The following CDC27 variants were observed in gnomAD, a reference collection of about 807,000 sequenced individuals.
CDC27 encodes the protein cell division cycle 27.
In CDC27, 27 loss-of-function variants were observed where a neutral mutation model predicts 109.7. The ratio of observed to expected loss-of-function variants is 0.25; its 90% CI spans 0.18 to 0.34. The LOEUF (loss-of-function observed/expected upper bound fraction) is 0.34, where lower values mean the gene tolerates loss of function less well. Ranked by LOEUF, CDC27 falls within the 10% of genes least tolerant of loss-of-function variation. The pLI, the probability that CDC27 is intolerant of heterozygous loss-of-function variation, is 1.00. For synonymous variants in CDC27, 266 were observed against 333.9 expected, an observed-to-expected ratio of 0.80 and a Z score of 2.22; for missense variants, 579 against 960.2, an observed-to-expected ratio of 0.60 and a Z score of 5.25.
rs1417684594 is a variant in CDC27, at chr17:47,149,970, C to CA, written c.1070+1835dup. On this transcript the variant is annotated intron_variant, in intron 9 of 18. Coordinates refer to ENST00000066544, the MANE Select transcript of CDC27 (RefSeq NM_001256.6). The stretch of plus-strand genomic sequence containing the variant: ...ACTCCGTCTAAAACAAAAACAAAAA[C>CA]AAAAACAAAACTCTATAAAAAGACA... Among the ~76,000 whole-genome samples, 41 of 149,772 alleles carry CA rather than the reference C, an allele frequency of 2.7e-4. 1 individual carries two copies. Among genetic ancestry groups the CA allele is most frequent in the Middle Eastern group, 6.9e-3 (2 of 290 alleles).
At chr17:47,179,115 G>A (rs1050911896) in intron 2 of CDC27, among the ~76,000 whole-genome samples, 1 of 152,096 alleles carries the variant, frequency 6.6e-6, no homozygotes, top group Non-Finnish European at 1.5e-5. Flanking sequence ...CACAGTCTCA[G>A]GCCGACTATA....
chr17:47,124,530 C>T (rs1345671214), intron 16 of CDC27, among the ~76,000 whole-genome samples: 1 of 152,028 alleles, frequency 6.6e-6, no homozygotes, highest in Non-Finnish European at 1.5e-5. Context: ...GTAATCTGCC[C>T]GCCTCAGCCT....
intron 2 of CDC27, among the ~76,000 whole-genome samples, chr17:47,175,436 G>T (rs2063970419): frequency 1.3e-5 from 2 of 152,098 alleles, no homozygotes; most frequent in Admixed American, 1.3e-4. Context: ...GTACTCTGTG[G>T]CTACCCTGTC....
At chr17:47,126,310 A>G (rs1008775713) in intron 16 of CDC27, among the ~76,000 whole-genome samples, 21 of 152,176 alleles carry the variant, frequency 1.4e-4, no homozygotes, top group African/African-American at 4.8e-4. Flanking sequence ...TCACATTTCT[A>G]TATCTAATCC....
At chr17:47,175,218 G>A (rs12947008) in intron 2 of CDC27, among the ~76,000 whole-genome samples, 12,535 of 152,172 alleles carry the variant, frequency 0.082, 595 homozygotes, top group African/African-American at 0.12. Flanking sequence ...GCATCCTCCA[G>A]ATACATTTAC....
intron 11 of CDC27, 37 bp downstream of exon 11, chr17:47,142,192 T>C: frequency 1.5e-6 from 2 of 1,298,708 alleles, no homozygotes; most frequent in South Asian, 1.4e-5. Context: ...AAGTACATAA[T>C]AAAATACAAA....
At chr17:47,159,676 G>T in intron 4 of CDC27, 1 of 440,420 alleles carries the variant, frequency 2.3e-6, no homozygotes, top group Non-Finnish European at 4.2e-6. Context: ...CGTGGCCATT[G>T]TAGTCCTCGA....
intron 8 of CDC27, among the ~76,000 whole-genome samples, chr17:47,153,646 G>C (rs1423254930): frequency 6.6e-6 from 1 of 152,098 alleles, no homozygotes; most frequent in Non-Finnish European, 1.5e-5. Context: ...TCCATTTCTT[G>C]AATATTTATG....
At chr17:47,139,735 A>G (rs1396131948) in intron 12 of CDC27, 1 of 152,084 alleles carries the variant, frequency 6.6e-6, no homozygotes, top group Admixed American at 6.5e-5. Context: ...GAATATACAC[A>G]CCAATATTGT....
chr17:47,173,960 G>C (rs2063898666), intron 2 of CDC27, among the ~76,000 whole-genome samples: 1 of 152,232 alleles, frequency 6.6e-6, no homozygotes, highest in African/African-American at 2.4e-5. Context: ...CAGGCGCGGT[G>C]GCGCAAGCCT....
chr17:47,166,551 T>C (rs140127638), intron 4 of CDC27, among the ~76,000 whole-genome samples: 32 of 152,266 alleles, frequency 2.1e-4, no homozygotes, highest in African/African-American at 7.5e-4. Context: ...GGACCAGCTT[T>C]GGTTTCTATG....
intron 14 of CDC27, among the ~76,000 whole-genome samples, 186 bp downstream of exon 14, chr17:47,136,961 GTTAAT>G (rs1238477824): frequency 6.6e-6 from 1 of 152,166 alleles, no homozygotes; most frequent in Non-Finnish European, 1.5e-5. Flanking sequence ...ATTATCATTA[GTTAAT>G]TTAAGAGTTT....
intron 4 of CDC27, among the ~76,000 whole-genome samples, chr17:47,158,971 C>T (rs1175611893): frequency 6.6e-6 from 1 of 152,036 alleles, no homozygotes; most frequent in Non-Finnish European, 1.5e-5. Context: ...AGGCAGGTCT[C>T]GAACTCATGA....
Position 47,157,304 on chromosome 17 carries a change from T to C in CDC27, c.556A>G (p.Thr186Ala). The C allele has an allele frequency of 5.6e-6, 9 of 1,613,102 alleles. No homozygotes were observed. The highest frequency in any genetic ancestry group is 7.6e-6 in the Non-Finnish European group (9 of 1,179,282). The change falls in exon 6 of 19, where the codon ACA (threonine) becomes GCA (alanine). Residue 186 changes from threonine (T) to alanine (A), a missense_variant. Thr to Ala is a moderately conservative substitution (Grantham distance 58). Transcript: ENST00000066544. ...FSNCLPNSCT[T>A]QVPNHSLSHR... Reference sequence around the variant, plus strand: ...GATAAACTATGATTAGGTACTTGTGTTGTGCAAGAGTTGGGCAGACAGTTG... The same window carrying C: ...GATAAACTATGATTAGGTACTTGTGCTGTGCAAGAGTTGGGCAGACAGTTG...
intron 15 of CDC27, 97 bp downstream of exon 15, chr17:47,132,160 C>CA (rs1233222365): frequency 1.1e-5 from 7 of 658,808 alleles, no homozygotes; most frequent in Non-Finnish European, 1.6e-5. Flanking sequence ...TGTTTCAACA[C>CA]AAAAAAGGAC....
At chr17:47,130,610 C>A (rs1486713700) in intron 15 of CDC27, among the ~76,000 whole-genome samples, 5 of 151,990 alleles carry the variant, frequency 3.3e-5, no homozygotes, top group African/African-American at 9.7e-5. Context: ...CCCGGTGGCT[C>A]ACGCCTGTAA....
chr17:47,180,569 T>C (rs1175284566), intron 2 of CDC27, among the ~76,000 whole-genome samples: 1 of 148,288 alleles, frequency 6.7e-6, no homozygotes, highest in African/African-American at 2.5e-5. Context: ...GTTTGACTTG[T>C]AAATTCCATT....
intron 2 of CDC27, among the ~76,000 whole-genome samples, chr17:47,177,773 G>A (rs2064070033): frequency 6.6e-6 from 1 of 151,638 alleles, no homozygotes; most frequent in Non-Finnish European, 1.5e-5. Flanking sequence ...AGTTCCATAG[G>A]TAGCAATTAC....
chr17:47,139,192 T>C lies in CDC27; in HGVS notation c.1552-301A>G, dbSNP rs1454521435. 2.0e-5 allele frequency among the ~76,000 whole-genome samples: 3 copies of C among 151,822 alleles called. No homozygotes were observed. In the East Asian group the frequency reaches 5.8e-4, roughly 29 times the overall value. On this transcript the variant is annotated intron_variant, in intron 12 of 18. Coordinates refer to ENST00000066544, the MANE Select transcript of CDC27 (RefSeq NM_001256.6). ...AAGAGAAATCTATACAAAGCTACAA[T>C]TCAAAAGAAAAGTCAATATTTCCTT... is the stretch of plus-strand genomic sequence containing the variant.
Sources: gnomAD v4.1 joint callset for allele counts (sites outside exome capture counted in the v4.1 genomes callset) on GRCh38, gnomAD v4.1.1 for gene constraint, MANE v1.5 for transcripts, NCBI Gene and HGNC (gene_info 2026-07-23, HGNC 2026-07-21) for gene names.